The following LGALS9C variants were observed in gnomAD, a reference collection of about 807,000 sequenced individuals.
LGALS9C encodes galectin-9C.
LGALS9C carries 7 observed loss-of-function variants against 41.3 expected under a neutral mutation model. That is an observed-to-expected ratio of 0.17 (90% CI 0.10 to 0.32). LGALS9C has a LOEUF of 0.32. LGALS9C is among the 10% of genes least tolerant of loss of function. The pLI is 1.00. For synonymous variants in LGALS9C, 44 were observed against 171.0 expected (o/e 0.26, Z 5.80); for missense variants, 102 against 455.2 (o/e 0.22, Z 7.06).
In LGALS9C at chr17:18,494,696, C is replaced by T; in HGVS notation, c.*329C>T. ...GCTCAGTCCCCTCCCATCCCCCACG[C>T]AGCTCCACCCCAGTCTCAAGCCACC... On this transcript the variant is annotated 3_prime_UTR_variant, in exon 11 of 11. Coordinates refer to ENST00000328114, the MANE Select transcript of LGALS9C (RefSeq NM_001040078.3). 2 of 381,274 alleles carry T rather than the reference C, an allele frequency of 5.2e-6. No homozygotes were observed. The highest frequency in any genetic ancestry group is 2.8e-5 in the South Asian group (1 of 36,178). 23.6% of individuals were successfully genotyped at this position (381,274 alleles called of 1,614,324 possible). A position where few individuals can be genotyped will look rare whatever the true frequency, so the allele number is the denominator to read the frequency against.
At chr17:18,478,574 T>C (rs1989287857) in intron 1 of LGALS9C, among the ~76,000 whole-genome samples, 1 of 127,670 alleles carries the variant, frequency 7.8e-6, no homozygotes, top group Non-Finnish European at 1.9e-5. Context: ...CATGAGGGCC[T>C]GGCTTGGAAA....
Position 18,494,306 on chromosome 17 carries a change from T to C in LGALS9C, c.1010T>C (p.Leu337Pro). 6.7e-7 allele frequency: 1 copy of C among 1,489,068 alleles called. No homozygotes were observed. The highest frequency in any genetic ancestry group is 9.2e-7 in the Non-Finnish European group (1 of 1,081,118). 92.2% of individuals were successfully genotyped at this position (1,489,068 alleles called of 1,614,324 possible). A position where few individuals can be genotyped will look rare whatever the true frequency, so the allele number is the denominator to read the frequency against. ...VFEYYHRLRN[L>P]PTINKLEVGG... ...GAATACTACCATCGCCTGAGGAACC[T>C]GCCCACCATCAACAAACTGGAAGTG... Residue 337 changes from leucine to proline, a missense_variant, in exon 11 of 11, where the codon CTG becomes CCG. Transcript: ENST00000328114.
intron 1 of LGALS9C, among the ~76,000 whole-genome samples, chr17:18,477,206 T>G (rs1989238786): frequency 7.6e-6 from 1 of 131,192 alleles, no homozygotes; most frequent in African/African-American, 2.5e-5. Context: ...GCAAGCATGC[T>G]TCTGGGACAG....
chr17:18,488,888 C>T (rs919164504), intron 4 of LGALS9C, 53 bp from the exon 5 acceptor site: 1 of 1,466,212 alleles, frequency 6.8e-7, no homozygotes, highest in Non-Finnish European at 9.4e-7. Flanking sequence ...TTCGGCTTCT[C>T]CTTGGCTCTA....
At position 18,491,287 on chromosome 17, in the gene LGALS9C, C is replaced by T; in HGVS notation, c.591C>T (p.Ile197=). 2 of 1,486,544 alleles carry T rather than the reference C, an allele frequency of 1.3e-6. No individual in the cohort carries two copies. The highest frequency in any genetic ancestry group is 3.5e-4 in the Middle Eastern group (2 of 5,714). 92.1% of individuals were successfully genotyped at this position (1,486,544 alleles called of 1,614,324 possible). Residue 197 remains isoleucine, a synonymous_variant, in exon 7 of 11, where the codon ATC becomes ATT. Coordinates refer to ENST00000328114, the MANE Select transcript of LGALS9C (RefSeq NM_001040078.3). ...CTTTCTTCCAGACCCAGACAGTCAT[C>T]CACACGGTGCAGAGTGCCTCTGGAC... ...ANPAPITQTV[I]HTVQSASGQM...
chr17:18,479,146 C>T (rs1989308089), intron 1 of LGALS9C, among the ~76,000 whole-genome samples: 1 of 97,628 alleles, frequency 1.0e-5, no homozygotes, highest in African/African-American at 3.0e-5. Context: ...CCTTGGTGTC[C>T]TCTGGTGATG....
chr17:18,488,435 T>A (rs200319111), intron 4 of LGALS9C, among the ~76,000 whole-genome samples: 17,162 of 106,078 alleles, frequency 0.16, 302 homozygotes, highest in African/African-American at 0.32. Context: ...CTGAGCAACA[T>A]AGCAAGACCC....
intron 1 of LGALS9C, among the ~76,000 whole-genome samples, chr17:18,477,669 T>C (rs941243670): frequency 8.8e-6 from 1 of 114,068 alleles, no homozygotes; most frequent in African/African-American, 2.7e-5. Context: ...TCACGGAAAA[T>C]CCAAGGTTCA....
At chr17:18,478,148 T>C (rs145852270) in intron 1 of LGALS9C, among the ~76,000 whole-genome samples, 1,518 of 129,418 alleles carry the variant, frequency 0.012, 83 homozygotes, top group African/African-American at 0.034. Context: ...GAAGCTGGAA[T>C]GGGCTGCCGG....
At position 18,492,703 on chromosome 17, in the gene LGALS9C, C is replaced by A; in HGVS notation, c.768C>A (p.His256Gln). 6.9e-7 allele frequency: 1 copy of A among 1,440,858 alleles called. No individual in the cohort carries two copies. Among genetic ancestry groups the A allele is most frequent in the East Asian group, 2.2e-5 (1 of 44,764 alleles). The allele number at this position is 1,440,858 out of a possible 1,614,324, so 89.3% of individuals were successfully genotyped here. Reference sequence around the variant, plus strand: ...GGTAGGCTGCCCACCCCAGGTTCCACATCAACCTGTGCTCTGGGAGCCACA... The same window carrying A: ...GGTAGGCTGCCCACCCCAGGTTCCAAATCAACCTGTGCTCTGGGAGCCACA... ...GTVLPSAQRF[H>Q]INLCSGSHIA... Residue 256 changes from histidine (H) to glutamine (Q), a missense_variant, in exon 10 of 11, where the codon CAC becomes CAA. Transcript: ENST00000328114.
chr17:18,494,780 TCA>T lies in LGALS9C; in HGVS notation c.*415_*416del, dbSNP rs1989949944. On this transcript the variant is annotated 3_prime_UTR_variant, in exon 11 of 11. Transcript: ENST00000328114. ...AGCCCCTCCTCTCTGACCTTTAACCTCACTCTCACCTTGCACCCTGCACCAAC... is the reference window on the plus strand; with the variant it reads ...AGCCCCTCCTCTCTGACCTTTAACCTCTCTCACCTTGCACCCTGCACCAAC... The T allele has an allele frequency of 1.0e-5, 2 of 191,052 alleles. No individual in the cohort carries two copies. Among genetic ancestry groups the T allele is most frequent in the African/African-American group, 4.6e-5 (2 of 43,762 alleles). 11.8% of individuals were successfully genotyped at this position (191,052 alleles called of 1,614,324 possible).
At chr17:18,482,433 CACTG>C (rs1254852459) in intron 1 of LGALS9C, among the ~76,000 whole-genome samples, 1 of 122,684 alleles carries the variant, frequency 8.2e-6, no homozygotes, top group Non-Finnish European at 1.9e-5. Context: ...AGATGTGAGC[CACTG>C]TGCCCAGTCA....
Position 18,477,814 on chromosome 17 carries a change from C to T in LGALS9C, c.39+921C>T, listed in dbSNP as rs1213612601. Among the ~76,000 whole-genome samples, 140 of 125,800 alleles carry T rather than the reference C, an allele frequency of 1.1e-3. 3 individuals carry two copies. The highest frequency in any genetic ancestry group is 3.3e-3 in the African/African-American group (130 of 38,856). 82.5% of individuals were successfully genotyped at this position (125,800 alleles called of 152,430 possible). On this transcript the variant is annotated intron_variant, in intron 1 of 10. Transcript: ENST00000328114. Reference sequence around the variant, plus strand: ...CACCCTGCCTTGGCAAAGAGCTTCCCGAGGGGCTGGAGTGGGTGGGCTGAT... The same window carrying T: ...CACCCTGCCTTGGCAAAGAGCTTCCTGAGGGGCTGGAGTGGGTGGGCTGAT...
At position 18,494,940 on chromosome 17, in the gene LGALS9C, C is replaced by T. The variant is rs1989954865; in HGVS notation, c.*573C>T. ...AAAGAAATGAAAATGCTTGTTGGCACATTCATGTGGGTTGACTGTGGCTTC... is the reference window on the plus strand; with the variant it reads ...AAAGAAATGAAAATGCTTGTTGGCATATTCATGTGGGTTGACTGTGGCTTC... On this transcript the variant is annotated 3_prime_UTR_variant, in exon 11 of 11. Transcript: ENST00000328114. 2 of 132,778 alleles carry T rather than the reference C, an allele frequency of 1.5e-5. 1 individual carries two copies. The highest frequency in any genetic ancestry group is 4.7e-4 in the South Asian group (2 of 4,298). The allele number at this position is 132,778 out of a possible 1,614,324, so 8.2% of individuals were successfully genotyped here.
Position 18,491,196 on chromosome 17 carries a change from G to C in LGALS9C, c.577-77G>C. On this transcript the variant is annotated intron_variant, in intron 6 of 10. Transcript: ENST00000328114. ...GTTATGCCCCTGGAGGGTGCCTGCC[G>C]TGTGGCACCCTCTGGTGGGAGCTGG... 1.6e-6 allele frequency: 2 copies of C among 1,278,526 alleles called. 1 individual carries two copies. Among genetic ancestry groups the C allele is most frequent in the Non-Finnish European group, 2.2e-6 (2 of 910,598 alleles). 79.2% of individuals were successfully genotyped at this position (1,278,526 alleles called of 1,614,324 possible).
At chr17:18,476,941 C>T (rs760099597) in intron 1 of LGALS9C, 48 bp downstream of exon 1, 6 of 1,506,556 alleles carry the variant, frequency 4.0e-6, no homozygotes, top group Non-Finnish European at 5.5e-6. Flanking sequence ...CAGGGGGACA[C>T]AGTTCTGGGG....
At position 18,492,971 on chromosome 17, in the gene LGALS9C, G is replaced by A. The variant is rs1439126636; in HGVS notation, c.924+112G>A. ...TGGGAGCTGATGCCTCTGGGATGAG[G>A]GCCCAGAAGAAAAGGTGGCCAAAAA... On this transcript the variant is annotated intron_variant, in intron 10 of 10. Coordinates refer to ENST00000328114, the MANE Select transcript of LGALS9C (RefSeq NM_001040078.3). 111 of 1,313,694 alleles carry A rather than the reference G, an allele frequency of 8.4e-5. No homozygotes were observed. In the African/African-American group the frequency reaches 1.3e-3, roughly 15 times the overall value. 81.4% of individuals were successfully genotyped at this position (1,313,694 alleles called of 1,614,324 possible).
intron 1 of LGALS9C, among the ~76,000 whole-genome samples, 183 bp downstream of exon 1, chr17:18,477,076 T>C (rs1989232662): frequency 7.4e-6 from 1 of 135,072 alleles, no homozygotes; most frequent in African/African-American, 2.5e-5. Context: ...AGCTCACTCA[T>C]GCCTGGAGAG....
rs760676062 is a variant in LGALS9C at position 18,492,740 on chromosome 17, A to G, written c.805A>G (p.Met269Val). Residue 269 changes from methionine (M) to valine (V), a missense_variant, in exon 10 of 11, where the codon ATG becomes GTG. Met to Val is a conservative substitution (Grantham distance 21). Coordinates refer to ENST00000328114, the MANE Select transcript of LGALS9C (RefSeq NM_001040078.3). ...LCSGSHIAFH[M>V]NPRFDENAVV... ...CTCTGGGAGCCACATCGCCTTCCAC[A>G]TGAACCCCCGTTTTGATGAGAATGC... 13 of 1,500,446 alleles carry G rather than the reference A, an allele frequency of 8.7e-6. No homozygotes were observed. The highest frequency in any genetic ancestry group is 4.6e-5 in the South Asian group (4 of 86,862). The allele number at this position is 1,500,446 out of a possible 1,614,324, so 92.9% of individuals were successfully genotyped here.
Sources: allele counts gnomAD v4.1 joint callset (sites outside exome capture counted in the v4.1 genomes callset), GRCh38; gene constraint gnomAD v4.1.1; transcripts MANE v1.5; gene names NCBI Gene and HGNC (gene_info 2026-07-23, HGNC 2026-07-21).